The following PTPRM variants were observed in gnomAD, a reference collection of about 807,000 sequenced individuals.
PTPRM encodes the protein protein tyrosine phosphatase receptor type M.
A neutral mutation model predicts 186.7 loss-of-function variants in PTPRM; 47 were observed. The ratio of observed to expected loss-of-function variants is 0.25; its 90% CI spans 0.20 to 0.32. The LOEUF (loss-of-function observed/expected upper bound fraction) is 0.32. PTPRM is among the 10% of genes least tolerant of loss of function. PTPRM has a pLI of 1.00. For missense variants in PTPRM, 1,494 were observed against 1,865.0 expected (o/e 0.80, Z 3.66); for synonymous variants, 668 against 674.9 (o/e 0.99, Z 0.16).
intron 4 of PTPRM, among the ~76,000 whole-genome samples, chr18:7,923,557 C>T (rs1049619199): frequency 1.3e-5 from 2 of 152,152 alleles, no homozygotes; most frequent in African/African-American, 4.8e-5. Flanking sequence ...GGACAGAGTT[C>T]CCAGCAATGG....
chr18:8,271,831 T>C (rs1483220989), intron 19 of PTPRM, among the ~76,000 whole-genome samples: 2 of 152,216 alleles, frequency 1.3e-5, no homozygotes, highest in African/African-American at 4.8e-5. Context: ...TATCCCTTTT[T>C]CATAATTATA....
At chr18:7,732,653 T>G (rs1229308388) in intron 1 of PTPRM, among the ~76,000 whole-genome samples, 1 of 152,076 alleles carries the variant, frequency 6.6e-6, no homozygotes, top group Non-Finnish European at 1.5e-5. Context: ...ACTACAGGTA[T>G]GCACCCCCAT....
At chr18:8,248,902 C>T (rs901082274) in intron 17 of PTPRM, among the ~76,000 whole-genome samples, 24 of 152,160 alleles carry the variant, frequency 1.6e-4, no homozygotes, top group African/African-American at 5.6e-4. Context: ...ATATTCCCAG[C>T]AGGGGGTTAC....
At chr18:8,345,299 A>G (rs1273520660) in intron 23 of PTPRM, among the ~76,000 whole-genome samples, 1 of 152,216 alleles carries the variant, frequency 6.6e-6, no homozygotes, top group African/African-American at 2.4e-5. Flanking sequence ...CAGAAGCAAT[A>G]ACAAAGTTCA....
At chr18:7,898,099 A>G (rs966790774) in intron 3 of PTPRM, among the ~76,000 whole-genome samples, 1 of 152,154 alleles carries the variant, frequency 6.6e-6, no homozygotes, top group African/African-American at 2.4e-5. Context: ...TTAATGTGAC[A>G]TGTTTTGTGG....
At chr18:7,872,384 A>G (rs1346581141) in intron 2 of PTPRM, among the ~76,000 whole-genome samples, 2 of 152,018 alleles carry the variant, frequency 1.3e-5, no homozygotes, top group Non-Finnish European at 1.5e-5. Flanking sequence ...TTTTCTCTTC[A>G]TGTTATTATA....
intron 14 of PTPRM, among the ~76,000 whole-genome samples, chr18:8,193,738 T>C (rs777946267): frequency 4.6e-5 from 7 of 152,240 alleles, no homozygotes; most frequent in Non-Finnish European, 7.3e-5. Flanking sequence ...TTAGAGAGAC[T>C]GTGGGCCACA....
At chr18:7,764,767 C>G (rs1374751221) in intron 1 of PTPRM, among the ~76,000 whole-genome samples, 1 of 152,200 alleles carries the variant, frequency 6.6e-6, no homozygotes, top group Admixed American at 6.5e-5. Context: ...TTTCAGAGAT[C>G]AGGTCATAAA....
intron 1 of PTPRM, among the ~76,000 whole-genome samples, chr18:7,745,401 G>A (rs1301849681): frequency 6.6e-6 from 1 of 152,204 alleles, no homozygotes; most frequent in African/African-American, 2.4e-5. Context: ...CTCTCAGCCT[G>A]AACTTTGGTG....
chr18:8,126,018 TA>T (rs1340027038), intron 13 of PTPRM, among the ~76,000 whole-genome samples: 715 of 31,026 alleles, frequency 0.023, 43 homozygotes, highest in Non-Finnish European at 0.038. Context: ...TATATATATA[TA>T]TATATATATT....
intron 14 of PTPRM, among the ~76,000 whole-genome samples, chr18:8,211,829 C>T (rs192950531): frequency 1.3e-4 from 20 of 152,102 alleles, no homozygotes; most frequent in Admixed American, 8.5e-4. Flanking sequence ...GTTGTGGAAA[C>T]GAAGGGTGAA....
intron 1 of PTPRM, among the ~76,000 whole-genome samples, chr18:7,691,361 C>T (rs2039728784): frequency 6.6e-6 from 1 of 152,106 alleles, no homozygotes; most frequent in African/African-American, 2.4e-5. Context: ...GACTGCCAGG[C>T]ATTTGAGGAG....
rs1316956036 is a variant in PTPRM at position 7,710,152 on chromosome 18, A to T, written c.74-63997A>T. 2.0e-5 allele frequency among the ~76,000 whole-genome samples: 3 copies of T among 152,238 alleles called. No individual in the cohort carries two copies. In the East Asian group the frequency reaches 5.8e-4, roughly 29 times the overall value. On this transcript the variant is annotated intron_variant, in intron 1 of 32. Transcript: ENST00000580170. ...CACAGATGCAAAAATTCTCAACAAA[A>T]TAACAGCTATCCAAATCCAACAGCG...
chr18:8,374,850 A>G (rs759717978), intron 24 of PTPRM, among the ~76,000 whole-genome samples: 34 of 152,232 alleles, frequency 2.2e-4, no homozygotes, highest in Non-Finnish European at 2.5e-4. Context: ...AAGCACATAA[A>G]AATTCTGAAT....
At chr18:8,197,634 A>G (rs953041179) in intron 14 of PTPRM, among the ~76,000 whole-genome samples, 3 of 152,212 alleles carry the variant, frequency 2.0e-5, no homozygotes, top group African/African-American at 7.2e-5. Flanking sequence ...TGCTGAGTTC[A>G]TAGGATTAAT....
intron 13 of PTPRM, among the ~76,000 whole-genome samples, chr18:8,139,984 C>A (rs1475113391): frequency 1.3e-5 from 2 of 152,214 alleles, no homozygotes; most frequent in African/African-American, 4.8e-5. Flanking sequence ...TCAATAAATG[C>A]TTGTTGAATA....
intron 14 of PTPRM, among the ~76,000 whole-genome samples, chr18:8,148,490 T>C (rs2146194444): frequency 6.6e-6 from 1 of 152,352 alleles, no homozygotes; most frequent in Middle Eastern, 3.4e-3. Flanking sequence ...GGATCAGTGG[T>C]GATATCCCCT....
At position 7,911,988 on chromosome 18, in the gene PTPRM, G is replaced by C. The variant is rs147951732; in HGVS notation, c.547+5405G>C. Among the ~76,000 whole-genome samples the C allele has an allele frequency of 3.5e-3, 536 of 151,276 alleles. 4 individuals carry two copies. Among genetic ancestry groups the C allele is most frequent in the African/African-American group, 0.012 (511 of 41,178 alleles). Reference sequence around the variant, plus strand: ...CTGCCTCAGCCTCCTGAGTAGCTGTGATTACAGGTGTCTGCCACCAAGCCC... The same window carrying C: ...CTGCCTCAGCCTCCTGAGTAGCTGTCATTACAGGTGTCTGCCACCAAGCCC... On this transcript the variant is annotated intron_variant, in intron 4 of 32. Transcript: ENST00000580170.
At chr18:7,627,728 A>G (rs1347016753) in intron 1 of PTPRM, among the ~76,000 whole-genome samples, 1 of 152,196 alleles carries the variant, frequency 6.6e-6, no homozygotes, top group Non-Finnish European at 1.5e-5. Context: ...CTCCTTCAAC[A>G]TTTCAGACAG....
Sources: gnomAD v4.1 joint callset for allele counts (sites outside exome capture counted in the v4.1 genomes callset) on GRCh38, gnomAD v4.1.1 for gene constraint, MANE v1.5 for transcripts, NCBI Gene and HGNC (gene_info 2026-07-23, HGNC 2026-07-21) for gene names.